ATXN7L1: variants seen among roughly 807,000 people sequenced by gnomAD.
ATXN7L1 encodes the protein ataxin 7 like 1, also known as ataxin-7-like protein 1.
ATXN7L1 carries 15 observed loss-of-function variants against 70.8 expected under a neutral mutation model. That is an observed-to-expected ratio of 0.21 (90% CI 0.14 to 0.33). The LOEUF is 0.33. Among genes scored for constraint, ATXN7L1 ranks in the 10% least tolerant of loss-of-function variants. ATXN7L1 has a pLI of 1.00. For synonymous variants in ATXN7L1, 440 were observed against 445.1 expected, an observed-to-expected ratio of 0.99 and a Z score of 0.14; for missense variants, 975 against 1,097.1, an observed-to-expected ratio of 0.89 and a Z score of 1.57.
chr7:105,652,808 A>G (rs1288652586), intron 4 of ATXN7L1, among the ~76,000 whole-genome samples: 1 of 152,228 alleles, frequency 6.6e-6, no homozygotes, highest in East Asian at 1.9e-4. Flanking sequence ...ATGGCAAAGC[A>G]TCCCAGGCTA....
chr7:105,702,234 T>C (rs1489025051), intron 3 of ATXN7L1, among the ~76,000 whole-genome samples: 2 of 152,176 alleles, frequency 1.3e-5, no homozygotes, highest in Non-Finnish European at 2.9e-5. Flanking sequence ...AGCAGAAGCA[T>C]CATTCTCAGT....
At chr7:105,790,129 G>GTGCT (rs879811272) in intron 2 of ATXN7L1, among the ~76,000 whole-genome samples, 1 of 152,202 alleles carries the variant, frequency 6.6e-6, no homozygotes, top group Non-Finnish European at 1.5e-5. Context: ...AAGGAGGTAA[G>GTGCT]TGCTTGCCTT....
intron 2 of ATXN7L1, among the ~76,000 whole-genome samples, chr7:105,827,984 T>C (rs943145217): frequency 3.3e-5 from 5 of 152,126 alleles, no homozygotes; most frequent in African/African-American, 7.2e-5. Flanking sequence ...GCCAAATGAG[T>C]GTGCCTCAAA....
chr7:105,652,275 C>A (rs867137612), intron 4 of ATXN7L1, among the ~76,000 whole-genome samples: 1 of 152,222 alleles, frequency 6.6e-6, no homozygotes, highest in African/African-American at 2.4e-5. Flanking sequence ...TCAACTGCAC[C>A]TGCTCAGTGC....
At chr7:105,738,495 C>T (rs536266) in intron 3 of ATXN7L1, among the ~76,000 whole-genome samples, 108,915 of 152,190 alleles carry the variant, frequency 0.72, 40,989 homozygotes, top group East Asian at 1. Context: ...AACTAAATCA[C>T]ACTAGCACTC....
intron 7 of ATXN7L1, among the ~76,000 whole-genome samples, chr7:105,635,844 GTT>G (rs202036365): frequency 3.6e-5 from 5 of 140,162 alleles, no homozygotes; most frequent in African/African-American, 5.2e-5. Flanking sequence ...ATGTGCGATA[GTT>G]TTTTTTTTTT....
chr7:105,633,276 TAAG>T (rs1796870863), intron 7 of ATXN7L1, among the ~76,000 whole-genome samples: 1 of 152,138 alleles, frequency 6.6e-6, no homozygotes, highest in Admixed American at 6.5e-5. Context: ...AGGCACAAAC[TAAG>T]AAGGAGGCAG....
chr7:105,844,917 G>T (rs1287442235), intron 2 of ATXN7L1, among the ~76,000 whole-genome samples: 1 of 152,118 alleles, frequency 6.6e-6, no homozygotes, highest in Admixed American at 6.5e-5. Flanking sequence ...ATAAGAATCA[G>T]TTGTGGGCTG....
intron 9 of ATXN7L1, among the ~76,000 whole-genome samples, chr7:105,619,221 C>T (rs970434646): frequency 4.1e-5 from 5 of 121,488 alleles, no homozygotes; most frequent in African/African-American, 1.2e-4. Flanking sequence ...GATCTCAGCT[C>T]ACTGCAAACT....
Position 105,734,333 on chromosome 7 carries a change from C to CA in ATXN7L1, c.355+54270dup, listed in dbSNP as rs527662345. On this transcript the variant is annotated intron_variant, in intron 3 of 11. Coordinates refer to ENST00000419735, the MANE Select transcript of ATXN7L1 (RefSeq NM_020725.2). Reference sequence around the variant, plus strand: ...CAAAAACCCAAACAAACAAAACAGACAAAAAAACCCAACTACAGTCCTTTC... The same window carrying CA: ...CAAAAACCCAAACAAACAAAACAGACAAAAAAAACCCAACTACAGTCCTTTC... 5.1e-4 allele frequency among the ~76,000 whole-genome samples: 78 copies of CA among 152,194 alleles called. 1 individual carries two copies. The highest frequency in any genetic ancestry group is 6.8e-3 in the Middle Eastern group (2 of 294).
At chr7:105,607,958 G>T in intron 11 of ATXN7L1, 68 bp from the exon 12 acceptor site, 2 of 1,382,880 alleles carry the variant, frequency 1.4e-6, no homozygotes, top group Non-Finnish European at 2.0e-6. Flanking sequence ...AGAATTCAAG[G>T]ATGGAGACTT....
chr7:105,854,028 T>C (rs1161357813), intron 2 of ATXN7L1, among the ~76,000 whole-genome samples: 1 of 152,052 alleles, frequency 6.6e-6, no homozygotes, highest in East Asian at 1.9e-4. Flanking sequence ...GCCACATCGA[T>C]TTAAACATCC....
chr7:105,804,305 G>C (rs777760943), intron 2 of ATXN7L1, among the ~76,000 whole-genome samples: 3 of 152,154 alleles, frequency 2.0e-5, no homozygotes, highest in Non-Finnish European at 4.4e-5. Flanking sequence ...CTTCCAAAAA[G>C]GCCTGATTAA....
intron 3 of ATXN7L1, among the ~76,000 whole-genome samples, chr7:105,695,645 G>C (rs539495499): frequency 4.2e-4 from 64 of 152,320 alleles, no homozygotes; most frequent in African/African-American, 1.5e-3. Flanking sequence ...TGCACATGTA[G>C]AGGGGATCTA....
At chr7:105,772,921 A>G (rs1396029402) in intron 3 of ATXN7L1, among the ~76,000 whole-genome samples, 1 of 152,226 alleles carries the variant, frequency 6.6e-6, no homozygotes, top group Non-Finnish European at 1.5e-5. Flanking sequence ...GACATTTACA[A>G]AAGTGGTTCA....
In ATXN7L1 at chr7:105,876,408, T is replaced by A; in HGVS notation, c.151A>T (p.Ile51Phe). ...GAGCAGTGTAATTTGGCGGCGTCGATCCAGGAGGACCAGGGTTTGCCCAGA... is the reference window on the plus strand; with the variant it reads ...GAGCAGTGTAATTTGGCGGCGTCGAACCAGGAGGACCAGGGTTTGCCCAGA... ...AFLGKPWSSW[I>F]DAAKLHCSDN... The change falls in exon 1 of 12, where the codon ATC (isoleucine) becomes TTC (phenylalanine). Residue 51 changes from isoleucine (I) to phenylalanine (F), a missense_variant. Physicochemically the swap from Ile to Phe is conservative, Grantham distance 21. This residue lies in a region of ATXN7L1 where 135 missense variants were observed against 132.6 expected (regional missense o/e 1.02). Coordinates refer to ENST00000419735, the MANE Select transcript of ATXN7L1 (RefSeq NM_020725.2). 1 of 1,611,856 alleles carries A rather than the reference T, an allele frequency of 6.2e-7. No homozygotes were observed. Among genetic ancestry groups the A allele is most frequent in the Non-Finnish European group, 8.5e-7 (1 of 1,178,934 alleles).
intron 4 of ATXN7L1, among the ~76,000 whole-genome samples, chr7:105,658,679 C>A (rs111955360): frequency 6.6e-6 from 1 of 151,824 alleles, no homozygotes; most frequent in African/African-American, 2.4e-5. Context: ...TACAGGCATG[C>A]GCCACCATGC....
intron 2 of ATXN7L1, among the ~76,000 whole-genome samples, chr7:105,824,480 G>A (rs796631746): frequency 1.3e-5 from 2 of 152,054 alleles, no homozygotes; most frequent in African/African-American, 4.8e-5. Context: ...AAACCAGGAT[G>A]CAACGGTAAG....
At chr7:105,632,167 C>A (rs1215825102) in intron 7 of ATXN7L1, among the ~76,000 whole-genome samples, 1 of 152,134 alleles carries the variant, frequency 6.6e-6, no homozygotes, top group Non-Finnish European at 1.5e-5. Flanking sequence ...CAGTGTGAGA[C>A]TGCCCAACCA....
Sources: allele counts gnomAD v4.1 joint callset (sites outside exome capture counted in the v4.1 genomes callset), GRCh38; gene constraint gnomAD v4.1.1; regional missense constraint gnomAD v4.1.1; transcripts MANE v1.5; gene names NCBI Gene and HGNC (gene_info 2026-07-23, HGNC 2026-07-21).